Variants in DIXDC1 observed in about 807,000 individuals in gnomAD.
DIXDC1 encodes the protein DIX domain containing 1, also known as dixin.
Under a neutral mutation model 103.1 loss-of-function variants are expected in DIXDC1, and 64 were observed. The ratio of observed to expected loss-of-function variants is 0.62; its 90% CI spans 0.51 to 0.76. The LOEUF (loss-of-function observed/expected upper bound fraction) is 0.76. Among genes scored for constraint, DIXDC1 ranks in the 30% least tolerant of loss-of-function variants. The pLI is 0.00. For missense variants in DIXDC1, 759 were observed against 834.2 expected, an observed-to-expected ratio of 0.91 and a Z score of 1.11; for synonymous variants, 266 against 298.5, an observed-to-expected ratio of 0.89 and a Z score of 1.12.
At chr11:112,018,848 A>G in intron 19 of DIXDC1, 108 bp from the exon 20 acceptor site, 2 of 900,484 alleles carry the variant, frequency 2.2e-6, no homozygotes, top group Admixed American at 2.5e-5. Flanking sequence ...TAGACTCTTA[A>G]CTCAAGGCTT....
chr11:111,939,890 C>T (rs781990784), intron 1 of DIXDC1, among the ~76,000 whole-genome samples: 31 of 152,244 alleles, frequency 2.0e-4, no homozygotes, highest in East Asian at 3.9e-4. Flanking sequence ...TGTCAGAATA[C>T]GCTTTAATTC....
rs1861723100 is a variant in DIXDC1, at chr11:112,020,479, G to C, written c.*1443G>C. On this transcript the variant is annotated 3_prime_UTR_variant, in exon 20 of 20. Transcript: ENST00000440460. The stretch of plus-strand genomic sequence containing the variant: ...CTTTTAAAAATAGTTCACGTTTGGA[G>C]AATTCTTTTGTACTCATTTGCTTTT... 6.6e-6 allele frequency: 1 copy of C among 152,576 alleles called. No individual in the cohort carries two copies. The highest frequency in any genetic ancestry group is 2.4e-5 in the African/African-American group (1 of 41,430). 9.5% of individuals were successfully genotyped at this position (152,576 alleles called of 1,614,324 possible). A position where few individuals can be genotyped will look rare whatever the true frequency, so the allele number is the denominator to read the frequency against.
intron 3 of DIXDC1, among the ~76,000 whole-genome samples, chr11:111,973,233 A>G (rs879967238): frequency 9.7e-5 from 13 of 134,688 alleles, no homozygotes; most frequent in East Asian, 7.2e-4. Flanking sequence ...TTAGCTGGGC[A>G]TGGTGGCGGG....
chr11:112,016,856 T>C, intron 18 of DIXDC1, 60 bp downstream of exon 18: 5 of 1,395,568 alleles, frequency 3.6e-6, no homozygotes, highest in Non-Finnish European at 4.0e-6. Flanking sequence ...AGAACCTCAT[T>C]AGTTACTGCC....
At chr11:111,982,251 T>G in intron 6 of DIXDC1, 88 bp from the exon 7 acceptor site, 1 of 1,453,362 alleles carries the variant, frequency 6.9e-7, no homozygotes. Flanking sequence ...GCAGGTGACC[T>G]GAACCTGTGA....
At chr11:111,966,618 TG>T (rs1418884342) in intron 2 of DIXDC1, among the ~76,000 whole-genome samples, 1 of 152,142 alleles carries the variant, frequency 6.6e-6, no homozygotes, top group Non-Finnish European at 1.5e-5. Flanking sequence ...TTGGCCAGGA[TG>T]GTCTCGATCT....
chr11:111,977,422 T>A lies in DIXDC1; in HGVS notation c.656+2439T>A. ...GTTGAGATGCCCCCGCCAGGGGGGATGCCCGGCACCGTGCGTCCGCGGAGG... is the reference window on the plus strand; with the variant it reads ...GTTGAGATGCCCCCGCCAGGGGGGAAGCCCGGCACCGTGCGTCCGCGGAGG... On this transcript the variant is annotated intron_variant, in intron 5 of 19. Coordinates refer to ENST00000440460, the MANE Select transcript of DIXDC1 (RefSeq NM_001037954.4). The surrounding 1 kb of genome is among the most constrained non-coding windows in gnomAD (Gnocchi z 6.1). 1 of 1,178,518 alleles carries A rather than the reference T, an allele frequency of 8.5e-7. No homozygotes were observed. The highest frequency in any genetic ancestry group is 2.2e-5 in the South Asian group (1 of 46,480). The allele number at this position is 1,178,518 out of a possible 1,614,324, so 73.0% of individuals were successfully genotyped here.
Position 111,980,720 on chromosome 11 carries a change from T to C in DIXDC1, c.657-17T>C, listed in dbSNP as rs1555173151. 3 of 1,600,590 alleles carry C rather than the reference T, an allele frequency of 1.9e-6. No individual in the cohort carries two copies. Among genetic ancestry groups the C allele is most frequent in the Non-Finnish European group, 2.6e-6 (3 of 1,170,322 alleles). On this transcript the variant is annotated splice_polypyrimidine_tract_variant and intron_variant, in intron 5 of 19. Transcript: ENST00000440460. ...TCTTCATAATAATCGTTTTTCTTCC[T>C]TTTTCTTCAATCACAGCCTGACTTC... is the stretch of plus-strand genomic sequence containing the variant.
In DIXDC1 at chr11:111,937,388, C is replaced by G; in HGVS notation, c.-112C>G. ...TTCCAGTAAGTGGCATGCGGGACTC[C>G]GGAGGGATCCCAATGAGCTGAGCCG... On this transcript the variant is annotated 5_prime_UTR_variant, in exon 1 of 20. Transcript: ENST00000440460. 6.7e-7 allele frequency: 1 copy of G among 1,482,620 alleles called. No homozygotes were observed. Among genetic ancestry groups the G allele is most frequent in the East Asian group, 2.6e-5 (1 of 39,072 alleles). The allele number at this position is 1,482,620 out of a possible 1,614,324, so 91.8% of individuals were successfully genotyped here. A position where few individuals can be genotyped will look rare whatever the true frequency, so the allele number is the denominator to read the frequency against.
intron 17 of DIXDC1, among the ~76,000 whole-genome samples, chr11:112,008,796 C>T (rs1555176942): frequency 6.6e-6 from 1 of 152,190 alleles, no homozygotes; most frequent in Non-Finnish European, 1.5e-5. Flanking sequence ...ACCTGAGACA[C>T]ATTTAAAGCA....
chr11:112,006,693 C>T (rs1861249325), intron 17 of DIXDC1, among the ~76,000 whole-genome samples: 1 of 152,196 alleles, frequency 6.6e-6, no homozygotes, highest in Non-Finnish European at 1.5e-5. Context: ...CAGCAAACTC[C>T]AACAGACCTG....
Position 111,992,400 on chromosome 11 carries a change from T to C in DIXDC1, c.1114-15T>C. 2 of 1,558,380 alleles carry C rather than the reference T, an allele frequency of 1.3e-6. No individual in the cohort carries two copies. Among genetic ancestry groups the C allele is most frequent in the Non-Finnish European group, 1.7e-6 (2 of 1,149,618 alleles). On this transcript the variant is annotated splice_polypyrimidine_tract_variant and intron_variant, in intron 10 of 19. Transcript: ENST00000440460. ...TGAACTGAGACAACAATAATTAGTA[T>C]GCTTTTTCCCCTAGGATGCCTTGCA...
intron 15 of DIXDC1, 116 bp from the exon 16 acceptor site, chr11:111,995,287 A>T: frequency 7.0e-7 from 1 of 1,427,710 alleles, no homozygotes; most frequent in Non-Finnish European, 9.6e-7. Flanking sequence ...GGCAAACCAT[A>T]GGCCTGCTTC....
chr11:111,944,455 A>T (rs1161849803), intron 1 of DIXDC1, among the ~76,000 whole-genome samples: 1 of 152,192 alleles, frequency 6.6e-6, no homozygotes, highest in African/African-American at 2.4e-5. Flanking sequence ...CTTGGAGGAG[A>T]TAGAGAACTG....
At position 111,977,385 on chromosome 11, in the gene DIXDC1, A is replaced by G; in HGVS notation, c.656+2402A>G. 9.2e-7 allele frequency: 1 copy of G among 1,086,200 alleles called. No individual in the cohort carries two copies. 67.3% of individuals were successfully genotyped at this position (1,086,200 alleles called of 1,614,324 possible). A position where few individuals can be genotyped will look rare whatever the true frequency, so the allele number is the denominator to read the frequency against. ...CTGCGCCGCCGGGAGCCTCCCTCCC[A>G]GTGGGAGATGGGTTGAGATGCCCCC... On this transcript the variant is annotated intron_variant, in intron 5 of 19. Transcript: ENST00000440460. This position sits in a 1 kb window ranked among gnomAD's most constrained non-coding sequence, Gnocchi z 6.1.
At chr11:111,950,248 A>G (rs28675753) in intron 1 of DIXDC1, among the ~76,000 whole-genome samples, 1 of 151,576 alleles carries the variant, frequency 6.6e-6, no homozygotes, top group African/African-American at 2.4e-5. Flanking sequence ...CCAAAAAAAG[A>G]AAAAGAAAAG....
chr11:111,963,242 T>C (rs1555171218), intron 1 of DIXDC1, among the ~76,000 whole-genome samples: 2 of 152,212 alleles, frequency 1.3e-5, no homozygotes, highest in East Asian at 3.8e-4. Context: ...CCCAGGTACC[T>C]TCACTAATTA....
At chr11:111,949,854 C>G (rs1462653743) in intron 1 of DIXDC1, among the ~76,000 whole-genome samples, 1 of 152,218 alleles carries the variant, frequency 6.6e-6, no homozygotes. Flanking sequence ...ATGTCTCCTT[C>G]CCTGTTGACC....
intron 1 of DIXDC1, among the ~76,000 whole-genome samples, chr11:111,954,402 A>G (rs1403219594): frequency 1.3e-5 from 2 of 152,214 alleles, no homozygotes; most frequent in African/African-American, 2.4e-5. Context: ...GTAAATACAG[A>G]TGAAGCTTCA....
Sources: allele counts gnomAD v4.1 joint callset (sites outside exome capture counted in the v4.1 genomes callset), GRCh38; gene constraint gnomAD v4.1.1; non-coding constraint Gnocchi (gnomAD v3.1); transcripts MANE v1.5; gene names NCBI Gene and HGNC (gene_info 2026-07-23, HGNC 2026-07-21).